GALNT13: variants seen among roughly 807,000 people sequenced by gnomAD.
The protein encoded by GALNT13 is polypeptide N-acetylgalactosaminyltransferase 13.
A neutral mutation model predicts 64.2 loss-of-function variants in GALNT13; 28 were observed. The ratio of observed to expected loss-of-function variants is 0.44; its 90% confidence interval spans 0.32 to 0.60. The LOEUF (loss-of-function observed/expected upper bound fraction) is 0.60, where lower values mean the gene tolerates loss of function less well. Ranked by LOEUF, GALNT13 falls within the 20% of genes least tolerant of loss-of-function variation. GALNT13 has a pLI of 0.05. For missense variants in GALNT13, 577 were observed against 669.8 expected, an observed-to-expected ratio of 0.86 and a Z score of 1.53; for synonymous variants, 214 against 224.6, an observed-to-expected ratio of 0.95 and a Z score of 0.42.
chr2:153,204,162 A>G, the GALNT13 span, among the ~76,000 whole-genome samples: 31 of 152,296 alleles, frequency 2.0e-4, no homozygotes, highest in Non-Finnish European at 4.3e-4. Context: ...CCCTTCCAGT[A>G]ACTTTAGGAA....
At chr2:154,043,756 A>G (rs1699137131) in intron 3 of GALNT13, among the ~76,000 whole-genome samples, 1 of 152,126 alleles carries the variant, frequency 6.6e-6, no homozygotes, top group African/African-American at 2.4e-5. Flanking sequence ...ACATGTGACA[A>G]GCATCATAAC....
chr2:153,136,468 C>T, the GALNT13 span, among the ~76,000 whole-genome samples: 6 of 151,946 alleles, frequency 3.9e-5, no homozygotes, highest in Non-Finnish European at 7.4e-5. Flanking sequence ...AATATGATTG[C>T]GGATGTGGAC....
intron 3 of GALNT13, among the ~76,000 whole-genome samples, chr2:154,074,490 G>T (rs890993501): frequency 6.6e-6 from 1 of 151,808 alleles, no homozygotes; most frequent in African/African-American, 2.4e-5. Context: ...TTGTAGATTT[G>T]AAGAACATAG....
intron 3 of GALNT13, among the ~76,000 whole-genome samples, chr2:154,075,761 T>C (rs983207516): frequency 3.1e-4 from 47 of 151,056 alleles, no homozygotes; most frequent in African/African-American, 1.1e-3. Flanking sequence ...GTAAATACTT[T>C]TGTTTTATTT....
chr2:154,057,833 C>T (rs1048380786), intron 3 of GALNT13, among the ~76,000 whole-genome samples: 1 of 152,168 alleles, frequency 6.6e-6, no homozygotes, highest in African/African-American at 2.4e-5. Flanking sequence ...GGATAATCTA[C>T]ACACTAAATG....
chr2:153,628,463 T>A, the GALNT13 span, among the ~76,000 whole-genome samples: 7 of 151,956 alleles, frequency 4.6e-5, no homozygotes, highest in Admixed American at 6.6e-5. Context: ...GCCCATTCAG[T>A]ATGATATTGG....
At chr2:153,843,559 T>A in the GALNT13 span, among the ~76,000 whole-genome samples, 1 of 152,192 alleles carries the variant, frequency 6.6e-6, no homozygotes, top group Non-Finnish European at 1.5e-5. Context: ...AAATATCATG[T>A]CCTTCTCACA....
At chr2:153,437,746 A>G in the GALNT13 span, among the ~76,000 whole-genome samples, 1 of 152,082 alleles carries the variant, frequency 6.6e-6, no homozygotes, top group Non-Finnish European at 1.5e-5. Context: ...GGTTTCCTGA[A>G]TACGGCACAC....
At chr2:154,272,385 A>G (rs1260822628) in intron 8 of GALNT13, among the ~76,000 whole-genome samples, 1 of 152,068 alleles carries the variant, frequency 6.6e-6, no homozygotes. Context: ...CAGTACATTA[A>G]GTAACCAACA....
the GALNT13 span, among the ~76,000 whole-genome samples, chr2:153,831,004 ATTTC>A: frequency 2.0e-5 from 3 of 152,310 alleles, no homozygotes; most frequent in East Asian, 3.9e-4. Flanking sequence ...AATATCTCAA[ATTTC>A]TTTCTAGCAG....
the GALNT13 span, among the ~76,000 whole-genome samples, chr2:153,628,879 T>C: frequency 6.6e-6 from 1 of 152,176 alleles, no homozygotes; most frequent in Non-Finnish European, 1.5e-5. Context: ...TTAGGGAGGA[T>C]TCCTTCTTTT....
At chr2:154,413,751 G>A (rs550010416) in intron 11 of GALNT13, among the ~76,000 whole-genome samples, 4 of 152,082 alleles carry the variant, frequency 2.6e-5, no homozygotes, top group South Asian at 2.1e-4. Flanking sequence ...TTGAAAACCC[G>A]ATAATTTAGC....
chr2:153,286,923 A>T, the GALNT13 span, among the ~76,000 whole-genome samples: 12 of 152,370 alleles, frequency 7.9e-5, no homozygotes, highest in South Asian at 2.5e-3. Flanking sequence ...TGCTAAGAAA[A>T]AAAAACCTTA....
chr2:154,217,471 G>A (rs1297987333), intron 4 of GALNT13, among the ~76,000 whole-genome samples: 1 of 152,050 alleles, frequency 6.6e-6, no homozygotes, highest in African/African-American at 2.4e-5. Flanking sequence ...TTAACTTTAT[G>A]TATCATATGT....
chr2:154,116,657 T>C (rs951210126), intron 3 of GALNT13, among the ~76,000 whole-genome samples: 15 of 152,182 alleles, frequency 9.9e-5, no homozygotes, highest in Non-Finnish European at 4.4e-5. Context: ...GAATGTCAAA[T>C]GCATTTAGTT....
At chr2:154,328,460 A>G (rs1285533877) in intron 9 of GALNT13, among the ~76,000 whole-genome samples, 1 of 152,028 alleles carries the variant, frequency 6.6e-6, no homozygotes. Context: ...CATTGTCTCA[A>G]ACTATATGTT....
the GALNT13 span, among the ~76,000 whole-genome samples, chr2:153,509,881 T>G: frequency 6.6e-6 from 1 of 152,204 alleles, no homozygotes; most frequent in Non-Finnish European, 1.5e-5. Context: ...TGGAAAAATC[T>G]CGTAATTAAA....
the GALNT13 span, among the ~76,000 whole-genome samples, chr2:153,640,647 T>C: frequency 2.0e-5 from 3 of 152,014 alleles, no homozygotes; most frequent in Non-Finnish European, 4.4e-5. Context: ...CTGAGTGTGG[T>C]GGCACACGAC....
At chr2:153,245,618 C>A in the GALNT13 span, among the ~76,000 whole-genome samples, 1 of 152,070 alleles carries the variant, frequency 6.6e-6, no homozygotes, top group Non-Finnish European at 1.5e-5. Flanking sequence ...CCCCCCCTCC[C>A]AACACACACA....
Sources: allele counts gnomAD v4.1 joint callset (sites outside exome capture counted in the v4.1 genomes callset), GRCh38; gene constraint gnomAD v4.1.1; transcripts MANE v1.5; gene names NCBI Gene and HGNC (gene_info 2026-07-23, HGNC 2026-07-21).